NAV2: variants seen among roughly 807,000 people sequenced by gnomAD.
NAV2 encodes neuron navigator 2.
NAV2 carries 54 observed loss-of-function variants against 223.2 expected under a neutral mutation model. That is an observed-to-expected ratio of 0.24 (90% CI 0.19 to 0.30). The LOEUF (loss-of-function observed/expected upper bound fraction) is 0.30, where lower values mean the gene tolerates loss of function less well. NAV2 is among the 10% of genes least tolerant of loss of function. NAV2 has a pLI of 1.00. For synonymous variants in NAV2, 1,279 were observed against 1,239.3 expected (o/e 1.03, Z -0.67); for missense variants, 2,806 against 3,147.5 (o/e 0.89, Z 2.60).
At chr11:20,067,215 G>A (rs2059105504) in intron 20 of NAV2, among the ~76,000 whole-genome samples, 1 of 152,098 alleles carries the variant, frequency 6.6e-6, no homozygotes, top group African/African-American at 2.4e-5. Flanking sequence ...CTCACAACCT[G>A]TGGAGTTACC....
intron 11 of NAV2, among the ~76,000 whole-genome samples, chr11:19,994,767 T>A (rs959998635): frequency 1.3e-5 from 2 of 152,152 alleles, no homozygotes; most frequent in Non-Finnish European, 2.9e-5. Flanking sequence ...CTATCCAAGA[T>A]TACTTTGTAT....
At chr11:19,730,495 G>A (rs1472073669) in intron 1 of NAV2, among the ~76,000 whole-genome samples, 3 of 152,252 alleles carry the variant, frequency 2.0e-5, no homozygotes, top group African/African-American at 4.8e-5. Flanking sequence ...CTGCTGAGGT[G>A]ACAGGGCTGG....
At chr11:19,377,771 A>G (rs906352684) in intron 1 of NAV2, among the ~76,000 whole-genome samples, 1 of 152,212 alleles carries the variant, frequency 6.6e-6, no homozygotes, top group African/African-American at 2.4e-5. Flanking sequence ...AGGATAACCC[A>G]GGTCTCCTGC....
rs1370479914 is a variant in NAV2, at chr11:19,949,797, G to A, written c.2645+717G>A. ...ACCATAAAGCAAGGACTTGTCTTGC[G>A]CGTTCACTGCAGAATCCCCAGTGTG... On this transcript the variant is annotated intron_variant, in intron 10 of 37. Coordinates refer to ENST00000349880, the MANE Select transcript of NAV2 (RefSeq NM_145117.5). 5.9e-5 allele frequency among the ~76,000 whole-genome samples: 9 copies of A among 152,282 alleles called. No individual in the cohort carries two copies. In the South Asian group the frequency reaches 6.2e-4, roughly 11 times the overall value.
chr11:20,068,526 G>A (rs2059195794), intron 22 of NAV2, 128 bp downstream of exon 22: 1 of 719,998 alleles, frequency 1.4e-6, no homozygotes, highest in South Asian at 1.7e-5. Flanking sequence ...ACAGGCTTTG[G>A]CATCATGGGT....
chr11:19,602,378 A>G (rs1358557878), intron 1 of NAV2, among the ~76,000 whole-genome samples: 1 of 151,748 alleles, frequency 6.6e-6, no homozygotes. Context: ...GGGTTTCACT[A>G]TGTTGGCCAG....
At chr11:19,862,593 T>C (rs1565450395) in intron 3 of NAV2, among the ~76,000 whole-genome samples, 2 of 152,178 alleles carry the variant, frequency 1.3e-5, no homozygotes, top group East Asian at 3.9e-4. Flanking sequence ...CCTAGGAGAA[T>C]TGGAAGCACC....
chr11:19,441,048 GGAT>G lies in NAV2; in HGVS notation c.75+90026_75+90028del, dbSNP rs540025169. Reference sequence around the variant, plus strand: ...GCACATGATACAAAGAAGATGTACAGGATGATGGAAGGGCACATAAAGGAGAAA... The same window carrying G: ...GCACATGATACAAAGAAGATGTACAGGATGGAAGGGCACATAAAGGAGAAA... On this transcript the variant is annotated intron_variant, in intron 1 of 37. Transcript: ENST00000360655. 3.0e-3 allele frequency among the ~76,000 whole-genome samples: 450 copies of G among 152,332 alleles called. 3 individuals carry two copies. The highest frequency in any genetic ancestry group is 4.9e-4 in the Non-Finnish European group (33 of 68,032).
At chr11:19,873,283 A>T (rs1475590298) in intron 4 of NAV2, among the ~76,000 whole-genome samples, 2 of 152,142 alleles carry the variant, frequency 1.3e-5, no homozygotes, top group Admixed American at 1.3e-4. Context: ...AGTGGTAAGC[A>T]CAGGATCCGG....
chr11:20,073,772 G>T (rs2059552189), intron 22 of NAV2, among the ~76,000 whole-genome samples: 1 of 152,112 alleles, frequency 6.6e-6, no homozygotes, highest in African/African-American at 2.4e-5. Flanking sequence ...CTGTGGGATT[G>T]GTGGTGATAT....
chr11:20,118,352 C>T lies in NAV2; in HGVS notation c.*94C>T, dbSNP rs181514452. 7.0e-7 allele frequency: 1 copy of T among 1,434,044 alleles called. No homozygotes were observed. The highest frequency in any genetic ancestry group is 9.6e-7 in the Non-Finnish European group (1 of 1,044,018). The allele number at this position is 1,434,044 out of a possible 1,614,324, so 88.8% of individuals were successfully genotyped here. ...TGAAGATGACTTCCTGAGCCAGCCC[C>T]CAGCCACAGCCTTAGAGCTGCGGGA... On this transcript the variant is annotated 3_prime_UTR_variant, in exon 38 of 38. Coordinates refer to ENST00000349880, the MANE Select transcript of NAV2 (RefSeq NM_145117.5).
intron 1 of NAV2, among the ~76,000 whole-genome samples, chr11:19,770,789 C>T (rs973572687): frequency 1.3e-5 from 2 of 152,150 alleles, no homozygotes; most frequent in African/African-American, 2.4e-5. Flanking sequence ...AGAAATGACA[C>T]GTAATCTTCA....
chr11:19,562,870 G>A (rs1042537650), intron 1 of NAV2, among the ~76,000 whole-genome samples: 67 of 152,184 alleles, frequency 4.4e-4, no homozygotes, highest in African/African-American at 1.6e-3. Context: ...TAATGGTGTG[G>A]TCAGTAAGAT....
chr11:19,560,300 G>A (rs538884449), intron 1 of NAV2, among the ~76,000 whole-genome samples: 2 of 152,294 alleles, frequency 1.3e-5, no homozygotes, highest in East Asian at 3.9e-4. Context: ...CAGCTATTGA[G>A]ACATCTGCTT....
At chr11:19,735,663 C>A (rs1019417057) in intron 1 of NAV2, among the ~76,000 whole-genome samples, 5 of 152,212 alleles carry the variant, frequency 3.3e-5, no homozygotes, top group Admixed American at 6.5e-5. Flanking sequence ...GAAACCATTC[C>A]TCCTGCATGA....
intron 1 of NAV2, among the ~76,000 whole-genome samples, chr11:19,729,836 A>G (rs916457400): frequency 6.6e-6 from 1 of 152,154 alleles, no homozygotes; most frequent in African/African-American, 2.4e-5. Context: ...TCTGCAACCT[A>G]TAGGAGAGCA....
intron 22 of NAV2, among the ~76,000 whole-genome samples, chr11:20,073,166 G>A (rs1388891010): frequency 6.6e-6 from 1 of 152,046 alleles, no homozygotes; most frequent in Non-Finnish European, 1.5e-5. Flanking sequence ...ATTTGTCCAA[G>A]GCCTTTTCTG....
At chr11:19,776,653 T>TGTGTGTGC (rs2056226587) in intron 1 of NAV2, among the ~76,000 whole-genome samples, 1 of 149,618 alleles carries the variant, frequency 6.7e-6, no homozygotes, top group Non-Finnish European at 1.5e-5. Flanking sequence ...TGTGTGTGTG[T>TGTGTGTGC]GTGTGTGTGT....
chr11:19,680,435 C>T (rs913806667), intron 1 of NAV2, among the ~76,000 whole-genome samples: 3 of 152,146 alleles, frequency 2.0e-5, no homozygotes, highest in Non-Finnish European at 4.4e-5. Flanking sequence ...TTCCCCTCCT[C>T]TCCAGTTTTT....
Sources: allele counts gnomAD v4.1 joint callset (sites outside exome capture counted in the v4.1 genomes callset), GRCh38; gene constraint gnomAD v4.1.1; transcripts MANE v1.5; gene names NCBI Gene and HGNC (gene_info 2026-07-23, HGNC 2026-07-21).